Variants in MEGF11 observed in about 807,000 individuals in gnomAD.
The protein encoded by MEGF11 is multiple EGF like domains 11, also known as multiple epidermal growth factor-like domains protein 11.
In MEGF11, 126 loss-of-function variants were observed where a neutral mutation model predicts 146.6. The observed-to-expected ratio is 0.86, with a 90% CI of 0.74 to 1.00. The LOEUF (loss-of-function observed/expected upper bound fraction) is 1.00. MEGF11 is among the 50% of genes least tolerant of loss of function. The pLI is 0.00. For missense variants in MEGF11, 1,509 were observed against 1,521.2 expected (o/e 0.99, Z 0.13); for synonymous variants, 532 against 583.4 (o/e 0.91, Z 1.27).
chr15:66,006,976 C>T (rs2082538957), intron 5 of MEGF11, among the ~76,000 whole-genome samples: 1 of 152,218 alleles, frequency 6.6e-6, no homozygotes, highest in Non-Finnish European at 1.5e-5. Flanking sequence ...CAGGGGTTTA[C>T]CTCACCACAT....
At chr15:66,038,113 G>A (rs747958349) in intron 5 of MEGF11, among the ~76,000 whole-genome samples, 1 of 152,314 alleles carries the variant, frequency 6.6e-6, no homozygotes, top group Non-Finnish European at 1.5e-5. Flanking sequence ...CCCAGAACCA[G>A]GGAGAGCAAA....
rs2088209528 is a variant in MEGF11 at position 66,124,168 on chromosome 15, A to G, written c.99-168T>C. Among the ~76,000 whole-genome samples, 2 of 150,968 alleles carry G rather than the reference A, an allele frequency of 1.3e-5. 1 individual carries two copies. The highest frequency in any genetic ancestry group is 4.2e-4 in the South Asian group (2 of 4,752). On this transcript the variant is annotated intron_variant, in intron 2 of 25. Transcript: ENST00000395614. ...TCCTCCCCCTGCCCTGAATGCCCTC[A>G]TATTCCAGCCTCCCCGACCCCAGGT...
intron 5 of MEGF11, among the ~76,000 whole-genome samples, chr15:65,985,039 G>C (rs1705185996): frequency 6.6e-6 from 1 of 152,168 alleles, no homozygotes; most frequent in South Asian, 2.1e-4. Context: ...AAAGTGCTGG[G>C]ATTACAAGTG....
At chr15:66,059,322 A>G (rs1283767842) in intron 5 of MEGF11, among the ~76,000 whole-genome samples, 1 of 152,196 alleles carries the variant, frequency 6.6e-6, no homozygotes, top group Non-Finnish European at 1.5e-5. Flanking sequence ...CAGGCTCATT[A>G]GAGCCCCGCT....
intron 1 of MEGF11, among the ~76,000 whole-genome samples, chr15:66,215,160 G>T (rs745484564): frequency 6.6e-6 from 1 of 152,154 alleles, no homozygotes; most frequent in Admixed American, 6.5e-5. Flanking sequence ...TAGTCTCAGT[G>T]CGTTTTCACT....
chr15:65,992,699 A>G (rs2082092344), intron 5 of MEGF11, among the ~76,000 whole-genome samples: 1 of 151,650 alleles, frequency 6.6e-6, no homozygotes, highest in Non-Finnish European at 1.5e-5. Flanking sequence ...CTCTGGATGT[A>G]GAATGCCACA....
At chr15:66,053,674 C>T (rs1171989249) in intron 5 of MEGF11, among the ~76,000 whole-genome samples, 1 of 150,606 alleles carries the variant, frequency 6.6e-6, no homozygotes, top group East Asian at 2.0e-4. Context: ...CTCTCCATTC[C>T]CAGCCAGGGC....
At chr15:66,234,326 T>G (rs2092042136) in intron 1 of MEGF11, among the ~76,000 whole-genome samples, 1 of 152,240 alleles carries the variant, frequency 6.6e-6, no homozygotes. Context: ...CCTAGATTCT[T>G]ATTATTTAAG....
At chr15:66,095,744 T>G (rs1292660118) in intron 4 of MEGF11, among the ~76,000 whole-genome samples, 1 of 152,208 alleles carries the variant, frequency 6.6e-6, no homozygotes, top group Non-Finnish European at 1.5e-5. Flanking sequence ...GGAGTCAGCC[T>G]GTCCACTGCA....
chr15:66,202,285 A>G (rs983826418), intron 1 of MEGF11, among the ~76,000 whole-genome samples: 4 of 152,216 alleles, frequency 2.6e-5, no homozygotes, highest in Non-Finnish European at 1.5e-5. Context: ...CATTAGAGTA[A>G]TCAATGCCCA....
At chr15:65,988,039 G>A (rs1445459539) in intron 5 of MEGF11, among the ~76,000 whole-genome samples, 5 of 93,344 alleles carry the variant, frequency 5.4e-5, no homozygotes, top group Middle Eastern at 0.012. Context: ...ATGGAGTCTC[G>A]CTCTGTCCCC....
chr15:66,026,152 G>A (rs1352839819), intron 5 of MEGF11, among the ~76,000 whole-genome samples: 4 of 152,266 alleles, frequency 2.6e-5, no homozygotes, highest in Non-Finnish European at 5.9e-5. Flanking sequence ...ATTCTAATGT[G>A]CAGCCAGCAT....
intron 5 of MEGF11, among the ~76,000 whole-genome samples, chr15:66,017,530 A>T (rs1455594299): frequency 6.6e-6 from 1 of 152,112 alleles, no homozygotes; most frequent in Non-Finnish European, 1.5e-5. Context: ...TTTTCTTACC[A>T]TCAGCACCCG....
intron 10 of MEGF11, among the ~76,000 whole-genome samples, chr15:65,938,723 T>A (rs569400307): frequency 6.6e-6 from 1 of 152,344 alleles, no homozygotes; most frequent in African/African-American, 2.4e-5. Flanking sequence ...TGAGCTTGAT[T>A]TGAAAGCACT....
chr15:66,050,508 A>T (rs747476760), intron 5 of MEGF11, among the ~76,000 whole-genome samples: 3 of 152,118 alleles, frequency 2.0e-5, no homozygotes, highest in Non-Finnish European at 4.4e-5. Context: ...GGCAGGAGGG[A>T]GGTCAGGGAG....
At chr15:66,244,998 C>G (rs1200507420) in intron 1 of MEGF11, among the ~76,000 whole-genome samples, 1 of 152,008 alleles carries the variant, frequency 6.6e-6, no homozygotes, top group African/African-American at 2.4e-5. Context: ...ATATTAAGTG[C>G]CAAATTTGTG....
Position 66,123,924 on chromosome 15 carries a change from T to C in MEGF11, c.175A>G (p.Asn59Asp). 1 of 1,613,794 alleles carries C rather than the reference T, an allele frequency of 6.2e-7. No homozygotes were observed. The highest frequency in any genetic ancestry group is 8.5e-7 in the Non-Finnish European group (1 of 1,179,706). ...CGGTGCCTGGTGCACTTGAACCAGT[T>C]GAGGATGTCTGTGCATCGTGTGTAA... ...IYYTRCTDIL[N>D]WFKCTRHRIS... Residue 59 changes from asparagine (N) to aspartate (D), a missense_variant, in exon 3 of 26, where the codon AAC becomes GAC. By Grantham distance (23) the Asn-to-Asp change is conservative. Transcript: ENST00000395614.
At chr15:66,159,111 A>G (rs1167929334) in intron 1 of MEGF11, among the ~76,000 whole-genome samples, 4 of 152,204 alleles carry the variant, frequency 2.6e-5, no homozygotes, top group Non-Finnish European at 5.9e-5. Flanking sequence ...GGTTCACAGG[A>G]TGTTTTCACG....
intron 1 of MEGF11, among the ~76,000 whole-genome samples, chr15:66,216,693 T>A (rs978630320): frequency 2.0e-5 from 3 of 152,186 alleles, no homozygotes; most frequent in African/African-American, 7.2e-5. Context: ...TACAGAAATC[T>A]GGGCTAGATT....
Sources: gnomAD v4.1 joint callset for allele counts (sites outside exome capture counted in the v4.1 genomes callset) on GRCh38, gnomAD v4.1.1 for gene constraint, MANE v1.5 for transcripts, NCBI Gene and HGNC (gene_info 2026-07-23, HGNC 2026-07-21) for gene names.